Variants in GPR21 observed in about 807,000 individuals in gnomAD.
GPR21 encodes probable G protein-coupled receptor 21.
GPR21 carries 9 observed loss-of-function variants against 21.5 expected under a neutral mutation model. The ratio of observed to expected loss-of-function variants is 0.42; its 90% CI spans 0.25 to 0.73. GPR21 has a LOEUF of 0.73. Ranked by LOEUF, GPR21 falls within the 30% of genes least tolerant of loss-of-function variation. The pLI is 0.27. For missense variants in GPR21, 416 were observed against 428.9 expected (o/e 0.97, Z 0.27); for synonymous variants, 169 against 159.3 (o/e 1.06, Z -0.46).
Position 123,033,700 on chromosome 9 carries a change from T to C in GPR21, c.-439T>C, listed in dbSNP as rs988994406. The C allele has an allele frequency of 6.6e-6, 1 of 152,194 alleles. No homozygotes were observed. The highest frequency in any genetic ancestry group is 2.4e-5 in the African/African-American group (1 of 41,438). The allele number at this position is 152,194 out of a possible 1,614,324, so 9.4% of individuals were successfully genotyped here. On this transcript the variant is annotated 5_prime_UTR_variant, in exon 1 of 2. An upstream start codon of the reference 5' UTR is lost. Coordinates refer to ENST00000616002, the MANE Select transcript of GPR21 (RefSeq NM_005294.3). ...GCTTTGCAAGGCTTTCTGCTAAGGA[T>C]GTATTGTGGCTTTTGTTTGGATTGC...
At position 123,035,501 on chromosome 9, in the gene GPR21, A is replaced by G. The variant is rs2032586548; in HGVS notation, c.935A>G (p.Gln312Arg). 1 of 1,613,898 alleles carries G rather than the reference A, an allele frequency of 6.2e-7. No individual in the cohort carries two copies. The highest frequency in any genetic ancestry group is 8.5e-7 in the Non-Finnish European group (1 of 1,179,760). Residue 312 changes from glutamine to arginine, a missense_variant, in exon 2 of 2, where the codon CAA becomes CGA. Gln to Arg is a conservative substitution (Grantham distance 43). Transcript: ENST00000616002. ...TATAGTCTCTCCAACAGTGTATTCC[A>G]AAGAGGACTAAAGCGCCTCTCAGGG... ...VIYSLSNSVF[Q>R]RGLKRLSGAM...
Position 123,035,077 on chromosome 9 carries a change from C to T in GPR21, c.511C>T (p.Pro171Ser). The T allele has an allele frequency of 1.2e-6, 2 of 1,614,122 alleles. No individual in the cohort carries two copies. Among genetic ancestry groups the T allele is most frequent in the Non-Finnish European group, 1.7e-6 (2 of 1,180,016 alleles). The change falls in exon 2 of 2, where the codon CCT (proline) becomes TCT (serine). Residue 171 changes from proline to serine, a missense_variant. Pro to Ser is a moderately conservative substitution (Grantham distance 74). Coordinates refer to ENST00000616002, the MANE Select transcript of GPR21 (RefSeq NM_005294.3). The part of the protein sequence containing the change: ...FLPSFFHWGK[P>S]GYHGDVFQWC... ...GCCTTCCTTTTTCCACTGGGGCAAA[C>T]CTGGATATCATGGAGATGTGTTTCA...
chr9:123,039,335 A>G (rs2032835105), downstream of GPR21, among the ~76,000 whole-genome samples: 2 of 152,182 alleles, frequency 1.3e-5, no homozygotes, highest in South Asian at 2.1e-4. Flanking sequence ...GGCAAGGGAC[A>G]GTGTCTCTTA....
chr9:123,043,870 A>C, the GPR21 span, among the ~76,000 whole-genome samples: 2 of 150,590 alleles, frequency 1.3e-5, no homozygotes, highest in Non-Finnish European at 3.0e-5. Context: ...GTACTGTTTG[A>C]CCTTTTCACT....
At chr9:123,046,404 G>C in the GPR21 span, among the ~76,000 whole-genome samples, 21 of 152,112 alleles carry the variant, frequency 1.4e-4, no homozygotes, top group African/African-American at 4.6e-4. Flanking sequence ...ATGAAGGGGG[G>C]CTGTTTATAT....
At chr9:123,043,072 T>C in the GPR21 span, among the ~76,000 whole-genome samples, 3 of 152,172 alleles carry the variant, frequency 2.0e-5, no homozygotes, top group African/African-American at 7.2e-5. Context: ...ATGCCCAAAC[T>C]GTCATTCAAG....
chr9:123,038,528 A>T (rs904946914), downstream of GPR21, among the ~76,000 whole-genome samples: 2 of 152,010 alleles, frequency 1.3e-5, no homozygotes, highest in Non-Finnish European at 2.9e-5. Flanking sequence ...TTGGTATAGG[A>T]ATTGTTTTAA....
chr9:123,044,596 C>T, the GPR21 span, among the ~76,000 whole-genome samples: 42 of 151,038 alleles, frequency 2.8e-4, no homozygotes, highest in Middle Eastern at 3.4e-3. Context: ...TCTTTGACAT[C>T]GTGGGAAGGA....
chr9:123,045,354 A>G, the GPR21 span, among the ~76,000 whole-genome samples: 23 of 152,304 alleles, frequency 1.5e-4, no homozygotes, highest in Admixed American at 1.2e-3. Flanking sequence ...TCTTGTCTTT[A>G]TTGCCTCTGG....
At chr9:123,047,939 T>TGAGACGGAG in the GPR21 span, among the ~76,000 whole-genome samples, 1 of 126,406 alleles carries the variant, frequency 7.9e-6, no homozygotes, top group South Asian at 2.8e-4. Flanking sequence ...TTTTTTTTTT[T>TGAGACGGAG]TTTTTTTTTT....
At chr9:123,039,655 ACT>A (rs769481892), downstream of GPR21, among the ~76,000 whole-genome samples, 19 of 152,068 alleles carry the variant, frequency 1.2e-4, no homozygotes, top group Admixed American at 6.6e-5. Context: ...GCTTCTGGAA[ACT>A]CTGTAGCTTC....
the GPR21 span, among the ~76,000 whole-genome samples, chr9:123,042,979 G>A: frequency 2.0e-5 from 3 of 152,096 alleles, no homozygotes; most frequent in African/African-American, 7.2e-5. Context: ...AGTAGCAGAG[G>A]ACTTTTTGCC....
downstream of GPR21, among the ~76,000 whole-genome samples, chr9:123,036,873 T>C (rs1392265677): frequency 6.6e-6 from 1 of 152,146 alleles, no homozygotes. Flanking sequence ...ATAATTCTTC[T>C]ATAGAATTAT....
downstream of GPR21, among the ~76,000 whole-genome samples, chr9:123,037,601 A>G (rs1430037864): frequency 2.0e-5 from 3 of 152,214 alleles, no homozygotes; most frequent in Non-Finnish European, 2.9e-5. Flanking sequence ...TACATGTTAG[A>G]GAATGTAACC....
At chr9:123,042,600 T>G in the GPR21 span, among the ~76,000 whole-genome samples, 1 of 152,096 alleles carries the variant, frequency 6.6e-6, no homozygotes, top group African/African-American at 2.4e-5. Context: ...TTTTGTTTGT[T>G]TCAGTAAGCA....
At chr9:123,044,742 A>C in the GPR21 span, among the ~76,000 whole-genome samples, 1 of 152,098 alleles carries the variant, frequency 6.6e-6, no homozygotes, top group Non-Finnish European at 1.5e-5. Flanking sequence ...GCAAAATGCC[A>C]TGTAGTGTTC....
the GPR21 span, among the ~76,000 whole-genome samples, chr9:123,046,582 C>A: frequency 0.24 from 37,129 of 152,084 alleles, 6,500 homozygotes; most frequent in East Asian, 0.65. Flanking sequence ...GACACTGTCT[C>A]ATGTGAGTAT....
chr9:123,045,125 A>G, the GPR21 span, among the ~76,000 whole-genome samples: 2 of 152,230 alleles, frequency 1.3e-5, no homozygotes, highest in African/African-American at 4.8e-5. Flanking sequence ...CATATTTTCA[A>G]AGTAAAGTTT....
chr9:123,047,919 G>GTTTTTTTTTTTTTTTTTTTTTTTT, the GPR21 span, among the ~76,000 whole-genome samples: 3 of 62,282 alleles, frequency 4.8e-5, no homozygotes, highest in Non-Finnish European at 1.1e-4. Context: ...CAGCTGCTGG[G>GTTTTTTTTTTTTTTTTTTTTTTTT]TTTTTTTTTT....
Sources: gnomAD v4.1 joint callset for allele counts (sites outside exome capture counted in the v4.1 genomes callset) on GRCh38, gnomAD v4.1.1 for gene constraint, MANE v1.5 for transcripts, NCBI Gene and HGNC (gene_info 2026-07-23, HGNC 2026-07-21) for gene names.